FAM227A: variants seen among roughly 807,000 people sequenced by gnomAD.
FAM227A encodes family with sequence similarity 227 member A.
In FAM227A, 80 loss-of-function variants were observed where a neutral mutation model predicts 74.7. The observed-to-expected ratio is 1.07, with a 90% CI of 0.89 to 1.29. FAM227A has a LOEUF of 1.29. Among genes scored for constraint, FAM227A ranks in the 50% most tolerant of loss-of-function variants. FAM227A has a pLI of 0.00. For synonymous variants in FAM227A, 237 were observed against 241.8 expected, an observed-to-expected ratio of 0.98 and a Z score of 0.19; for missense variants, 654 against 683.4, an observed-to-expected ratio of 0.96 and a Z score of 0.48.
At position 38,636,462 on chromosome 22, in the gene FAM227A, G is replaced by A. The variant is rs542852910; in HGVS notation, c.508C>T (p.Leu170Phe). ...GNVVRAERDCLSGKHFCSGRE... is the reference protein window; with the variant it reads ...GNVVRAERDCFSGKHFCSGRE... ...TGCTTTTTCCTCACCTTGCCACTAAGGCAGTCTCTCTCAGCCCGGACCACG... is the reference window on the plus strand; with the variant it reads ...TGCTTTTTCCTCACCTTGCCACTAAAGCAGTCTCTCTCAGCCCGGACCACG... The change falls in exon 6 of 17, where the codon CTT (leucine) becomes TTT (phenylalanine). Residue 170 changes from leucine to phenylalanine, a missense_variant. By Grantham distance (22) the Leu-to-Phe change is conservative (BLOSUM62 0). Coordinates refer to ENST00000535113, the MANE Select transcript of FAM227A (RefSeq NM_001013647.2). The A allele has an allele frequency of 7.1e-6, 11 of 1,551,228 alleles. No individual in the cohort carries two copies. Among genetic ancestry groups the A allele is most frequent in the Admixed American group, 2.0e-5 (1 of 50,940 alleles).
In FAM227A at chr22:38,650,715, C is replaced by T. The variant is rs59439622; in HGVS notation, c.-94-453G>A. Among the ~76,000 whole-genome samples the T allele has an allele frequency of 1.3e-3, 193 of 152,194 alleles. 5 individuals carry two copies. In the East Asian group the frequency reaches 0.025, roughly 19 times the overall value. On this transcript the variant is annotated intron_variant, in intron 1 of 16. Transcript: ENST00000535113. ...GAATAAGGGGTCCATCTCCTCAGCG[C>T]GAGGCTCCTGATCAACCTGAAGCTT...
At chr22:38,626,913 T>TATAC (rs34078214) in intron 8 of FAM227A, among the ~76,000 whole-genome samples, 2,294 of 89,366 alleles carry the variant, frequency 0.026, 113 homozygotes, top group Middle Eastern at 0.042. Context: ...TATATATATA[T>TATAC]ACACGTATAT....
chr22:38,633,463 C>T (rs970679180), intron 6 of FAM227A, among the ~76,000 whole-genome samples: 3 of 152,130 alleles, frequency 2.0e-5, no homozygotes, highest in Non-Finnish European at 2.9e-5. Context: ...GCAGGAACAG[C>T]GGGTCCAAGA....
chr22:38,605,402 G>T, intron 12 of FAM227A, 54 bp from the exon 13 acceptor site: 1 of 1,035,534 alleles, frequency 9.7e-7, no homozygotes, highest in Non-Finnish European at 1.5e-6. Context: ...CAATTCTCGT[G>T]CCTCAGCCTC....
chr22:38,591,800 C>G (rs2090943184), intron 15 of FAM227A, among the ~76,000 whole-genome samples: 1 of 152,174 alleles, frequency 6.6e-6, no homozygotes, highest in Admixed American at 6.5e-5. Flanking sequence ...CACATCCCTG[C>G]TCAGTCACTA....
intron 3 of FAM227A, 108 bp from the exon 4 acceptor site, chr22:38,639,832 G>A: frequency 3.8e-6 from 3 of 787,578 alleles, no homozygotes; most frequent in Non-Finnish European, 6.5e-6. Context: ...AAGACCTGGA[G>A]CAAAGTTTGT....
intron 9 of FAM227A, among the ~76,000 whole-genome samples, chr22:38,625,165 G>A (rs940039955): frequency 3.9e-5 from 6 of 152,136 alleles, no homozygotes; most frequent in African/African-American, 9.6e-5. Context: ...CTTGTTGGGC[G>A]GATGACGAGG....
At chr22:38,609,748 A>G (rs116613110) in intron 11 of FAM227A, among the ~76,000 whole-genome samples, 5 of 151,744 alleles carry the variant, frequency 3.3e-5, no homozygotes, top group African/African-American at 1.2e-4. Flanking sequence ...ATGAAGCATC[A>G]ATGCTCATTC....
chr22:38,589,610 A>T (rs1381626253), intron 16 of FAM227A, among the ~76,000 whole-genome samples: 2 of 152,180 alleles, frequency 1.3e-5, no homozygotes, highest in Non-Finnish European at 2.9e-5. Flanking sequence ...TATCATTGTG[A>T]AACTTCAGGA....
intron 11 of FAM227A, among the ~76,000 whole-genome samples, chr22:38,619,051 G>A (rs2091633535): frequency 6.6e-6 from 1 of 152,022 alleles, no homozygotes; most frequent in African/African-American, 2.4e-5. Flanking sequence ...GGGGTTGGGA[G>A]GAAATGCTGA....
In FAM227A at chr22:38,582,818, C is replaced by T. The variant is rs1447086543; in HGVS notation, c.*3307G>A. ...TAACTGCTGCCATAATGGGATGGCACAGAATGCTGTTGGAGCATAATGCAG... is the reference window on the plus strand; with the variant it reads ...TAACTGCTGCCATAATGGGATGGCATAGAATGCTGTTGGAGCATAATGCAG... On this transcript the variant is annotated 3_prime_UTR_variant, in exon 17 of 17. Transcript: ENST00000535113. The T allele has an allele frequency of 6.5e-7, 1 of 1,549,154 alleles. No homozygotes were observed. The highest frequency in any genetic ancestry group is 1.4e-5 in the African/African-American group (1 of 72,966).
chr22:38,634,220 T>C (rs1315984425), intron 6 of FAM227A, among the ~76,000 whole-genome samples: 6 of 48,178 alleles, frequency 1.2e-4, no homozygotes, highest in South Asian at 7.0e-4. Flanking sequence ...AGACTCTGTC[T>C]CAAAAAAAAA....
chr22:38,621,519 C>A (rs2091691073), intron 10 of FAM227A, among the ~76,000 whole-genome samples: 1 of 151,846 alleles, frequency 6.6e-6, no homozygotes, highest in Non-Finnish European at 1.5e-5. Flanking sequence ...GCAGGAGAAT[C>A]GCTTGAACCT....
At chr22:38,628,976 T>C in intron 6 of FAM227A, 41 bp from the exon 7 acceptor site, 1 of 1,214,202 alleles carries the variant, frequency 8.2e-7, no homozygotes, top group Non-Finnish European at 1.2e-6. Flanking sequence ...TGTTGTTATC[T>C]TTTTAAAAAT....
chr22:38,583,075 T>C lies in FAM227A; in HGVS notation c.*3050A>G, dbSNP rs1000495491. The C allele has an allele frequency of 4.6e-6, 5 of 1,076,470 alleles. No individual in the cohort carries two copies. Among genetic ancestry groups the C allele is most frequent in the Non-Finnish European group, 6.7e-6 (5 of 743,286 alleles). 66.7% of individuals were successfully genotyped at this position (1,076,470 alleles called of 1,614,324 possible). On this transcript the variant is annotated 3_prime_UTR_variant, in exon 17 of 17. Coordinates refer to ENST00000535113, the MANE Select transcript of FAM227A (RefSeq NM_001013647.2). ...AATGAAGAGTTGACAGTGGCTGGGG[T>C]AGTAAAGGGAAGGTGAGAGAGTGTT...
intron 13 of FAM227A, among the ~76,000 whole-genome samples, chr22:38,602,766 T>C (rs1163978202): frequency 6.6e-6 from 1 of 152,216 alleles, no homozygotes; most frequent in African/African-American, 2.4e-5. Flanking sequence ...GGTGATTCTT[T>C]GGCAACCCAG....
chr22:38,614,358 G>A (rs2091531838), intron 11 of FAM227A, among the ~76,000 whole-genome samples: 2 of 152,106 alleles, frequency 1.3e-5, no homozygotes, highest in South Asian at 4.2e-4. Flanking sequence ...ATAGGTGGGT[G>A]TCCTAATTTA....
chr22:38,583,005 CA>C lies in FAM227A; in HGVS notation c.*3119del. ...TTTCAGGTCCAGAAGCAGCAACAGA[CA>C]AAAGATCCAGAAATAGGAAAGTGTG... On this transcript the variant is annotated 3_prime_UTR_variant, in exon 17 of 17. Coordinates refer to ENST00000535113, the MANE Select transcript of FAM227A (RefSeq NM_001013647.2). 6.6e-7 allele frequency: 1 copy of C among 1,525,294 alleles called. No individual in the cohort carries two copies. The highest frequency in any genetic ancestry group is 8.9e-7 in the Non-Finnish European group (1 of 1,125,770). 94.5% of individuals were successfully genotyped at this position (1,525,294 alleles called of 1,614,324 possible).
In FAM227A at chr22:38,620,369, C is replaced by T. The variant is rs767529458; in HGVS notation, c.959-78G>A. ...ATTGTAGCCCAGGAGCTTGAGACAG[C>T]CTCCTTTCTGGAGACAGTGACACCC... is the stretch of plus-strand genomic sequence containing the variant. On this transcript the variant is annotated intron_variant, in intron 10 of 16. Transcript: ENST00000535113. 300 of 1,177,502 alleles carry T rather than the reference C, an allele frequency of 2.5e-4. 1 individual carries two copies. Among genetic ancestry groups the T allele is most frequent in the Non-Finnish European group, 4.9e-5 (40 of 814,770 alleles). The allele number at this position is 1,177,502 out of a possible 1,614,324, so 72.9% of individuals were successfully genotyped here. A position where few individuals can be genotyped will look rare whatever the true frequency, so the allele number is the denominator to read the frequency against.
Sources: allele counts gnomAD v4.1 joint callset (sites outside exome capture counted in the v4.1 genomes callset), GRCh38; gene constraint gnomAD v4.1.1; transcripts MANE v1.5; gene names NCBI Gene and HGNC (gene_info 2026-07-23, HGNC 2026-07-21).